PLCB4: variants seen among roughly 807,000 people sequenced by gnomAD.
PLCB4 encodes the protein 1-phosphatidylinositol 4,5-bisphosphate phosphodiesterase beta-4.
Under a neutral mutation model 178.8 loss-of-function variants are expected in PLCB4, and 77 were observed. The ratio of observed to expected loss-of-function variants is 0.43; its 90% CI spans 0.36 to 0.52. The LOEUF (loss-of-function observed/expected upper bound fraction) is 0.52. Ranked by LOEUF, PLCB4 falls within the 20% of genes least tolerant of loss-of-function variation. PLCB4 has a pLI of 0.00. For missense variants in PLCB4, 1,024 were observed against 1,453.4 expected, an observed-to-expected ratio of 0.70 and a Z score of 4.80; for synonymous variants, 496 against 490.8, an observed-to-expected ratio of 1.01 and a Z score of -0.14.
At chr20:9,154,314 T>G (rs1375586657) in intron 2 of PLCB4, among the ~76,000 whole-genome samples, 1 of 152,216 alleles carries the variant, frequency 6.6e-6, no homozygotes, top group Non-Finnish European at 1.5e-5. Context: ...AAATGTAGTC[T>G]TGTTTTGGGC....
chr20:9,464,011 T>C (rs927222770), intron 35 of PLCB4, among the ~76,000 whole-genome samples: 1 of 152,088 alleles, frequency 6.6e-6, no homozygotes, highest in South Asian at 2.1e-4. Flanking sequence ...TATTCTAAAA[T>C]TGACAACATA....
chr20:9,073,727 A>C (rs144085645), intron 1 of PLCB4, among the ~76,000 whole-genome samples: 1 of 152,182 alleles, frequency 6.6e-6, no homozygotes, highest in East Asian at 1.9e-4. Flanking sequence ...TGCAAAAAAT[A>C]CCAATAAAAA....
intron 2 of PLCB4, among the ~76,000 whole-genome samples, chr20:9,151,999 G>A (rs1390248709): frequency 6.6e-6 from 1 of 152,142 alleles, no homozygotes; most frequent in Non-Finnish European, 1.5e-5. Context: ...AAAGAGAATG[G>A]CAGCATTTTG....
At chr20:9,293,524 G>T (rs931167570) in intron 3 of PLCB4, among the ~76,000 whole-genome samples, 1 of 152,028 alleles carries the variant, frequency 6.6e-6, no homozygotes, top group African/African-American at 2.4e-5. Flanking sequence ...AAGAAAGAAG[G>T]AAGGATTAAG....
chr20:9,069,275 C>G (rs1309611107), intron 1 of PLCB4, 69 bp downstream of exon 1: 1 of 152,490 alleles, frequency 6.6e-6, no homozygotes, highest in Non-Finnish European at 1.5e-5. Context: ...GGCTTGTTTG[C>G]TTTCCGCGGG....
chr20:9,414,982 A>G (rs1396314914), intron 25 of PLCB4, among the ~76,000 whole-genome samples: 4 of 152,146 alleles, frequency 2.6e-5, no homozygotes, highest in Non-Finnish European at 4.4e-5. Context: ...CAAACCCAAC[A>G]TGTATTATAT....
chr20:9,465,872 T>C (rs1037285236), intron 35 of PLCB4, among the ~76,000 whole-genome samples: 8 of 152,146 alleles, frequency 5.3e-5, no homozygotes, highest in Non-Finnish European at 8.8e-5. Flanking sequence ...AGGTAATTTA[T>C]AGATTCAATG....
At chr20:9,072,589 A>G (rs2089626859) in intron 1 of PLCB4, among the ~76,000 whole-genome samples, 1 of 152,066 alleles carries the variant, frequency 6.6e-6, no homozygotes, top group South Asian at 2.1e-4. Context: ...TGCTTTGAAA[A>G]TATCACCCTG....
intron 28 of PLCB4, among the ~76,000 whole-genome samples, chr20:9,434,024 A>G (rs1347218303): frequency 6.6e-6 from 1 of 152,234 alleles, no homozygotes; most frequent in Admixed American, 6.5e-5. Context: ...GTTCAAAGAC[A>G]TTCACTACAA....
In PLCB4 at chr20:9,373,092, C is replaced by A; in HGVS notation, c.732C>A (p.Ser244Arg). The A allele has an allele frequency of 6.6e-7, 1 of 1,521,184 alleles. No homozygotes were observed. Among genetic ancestry groups the A allele is most frequent in the Non-Finnish European group, 9.1e-7 (1 of 1,097,662 alleles). The allele number at this position is 1,521,184 out of a possible 1,614,324, so 94.2% of individuals were successfully genotyped here. A position where few individuals can be genotyped will look rare whatever the true frequency, so the allele number is the denominator to read the frequency against. The change falls in exon 12 of 40, where the codon AGC becomes AGA. Residue 244 changes from serine to arginine, a missense_variant. Around this residue, in one of 7 missense-constraint regions of PLCB4, gnomAD observed 225 missense variants for 291.0 expected, o/e 0.77. Transcript: ENST00000378473. The stretch of plus-strand genomic sequence containing the variant: ...ATTTAACGGTAGACCAATTAGTGAG[C>A]TTTCTAAATGAAGTAAGCTTTTTCA... The part of the protein sequence containing the change: ...TDYLTVDQLV[S>R]FLNEHQRDPR...
At chr20:9,177,928 T>A (rs2147074840) in intron 2 of PLCB4, among the ~76,000 whole-genome samples, 1 of 152,350 alleles carries the variant, frequency 6.6e-6, no homozygotes, top group East Asian at 1.9e-4. Context: ...CATTGTCCTA[T>A]GGTATAAAAA....
chr20:9,458,601 G>A (rs996682430), intron 34 of PLCB4, among the ~76,000 whole-genome samples: 1 of 152,148 alleles, frequency 6.6e-6, no homozygotes, highest in African/African-American at 2.4e-5. Flanking sequence ...CCTTACTTAT[G>A]TATCTGGTAG....
intron 2 of PLCB4, among the ~76,000 whole-genome samples, chr20:9,188,305 A>G (rs2093354975): frequency 6.6e-6 from 1 of 152,218 alleles, no homozygotes; most frequent in African/African-American, 2.4e-5. Context: ...AACAATGGGA[A>G]GAACATTATA....
At chr20:9,092,585 T>C (rs1332162537) in intron 1 of PLCB4, among the ~76,000 whole-genome samples, 2 of 152,146 alleles carry the variant, frequency 1.3e-5, no homozygotes, top group Admixed American at 6.5e-5. Context: ...TATTAGAATA[T>C]TTTTGGCTGT....
intron 2 of PLCB4, among the ~76,000 whole-genome samples, chr20:9,162,406 C>T (rs1212763516): frequency 6.6e-6 from 1 of 152,078 alleles, no homozygotes; most frequent in Non-Finnish European, 1.5e-5. Context: ...TATACCTGTA[C>T]CTAAAAAGTT....
At chr20:9,347,979 AAAAC>A (rs928595209) in intron 7 of PLCB4, among the ~76,000 whole-genome samples, 6 of 152,328 alleles carry the variant, frequency 3.9e-5, no homozygotes, top group African/African-American at 1.4e-4. Flanking sequence ...TCTCAAAAAC[AAAAC>A]AAACAAACAA....
chr20:9,390,061 T>A (rs2038012890), intron 16 of PLCB4, 103 bp downstream of exon 16: 1 of 668,466 alleles, frequency 1.5e-6, no homozygotes, highest in Non-Finnish European at 2.6e-6. Flanking sequence ...ATAGTTTGTT[T>A]TGTGAAGTAC....
chr20:9,453,165 T>C (rs1470031559), intron 32 of PLCB4, among the ~76,000 whole-genome samples, 182 bp from the exon 33 acceptor site: 1 of 152,204 alleles, frequency 6.6e-6, no homozygotes, highest in African/African-American at 2.4e-5. Flanking sequence ...ATGTTGGGAA[T>C]GCCCTTGGAC....
intron 4 of PLCB4, among the ~76,000 whole-genome samples, chr20:9,309,973 A>G (rs184341525): frequency 1.1e-4 from 17 of 152,278 alleles, no homozygotes; most frequent in Non-Finnish European, 2.5e-4. Context: ...TAAGCTTTCA[A>G]CTCTTTCAAG....
Sources: gnomAD v4.1 joint callset for allele counts (sites outside exome capture counted in the v4.1 genomes callset) on GRCh38, gnomAD v4.1.1 for gene constraint, gnomAD v4.1.1 regional missense constraint, MANE v1.5 for transcripts, NCBI Gene and HGNC (gene_info 2026-07-23, HGNC 2026-07-21) for gene names.